The following FMO3 variants were observed in gnomAD, a reference collection of about 807,000 sequenced individuals.
The protein encoded by FMO3 is flavin-containing monooxygenase 3.
In FMO3, 40 loss-of-function variants were observed where a neutral mutation model predicts 39.4. The observed-to-expected ratio is 1.02, with a 90% CI of 0.79 to 1.32. FMO3 has a LOEUF of 1.32. Among genes scored for constraint, FMO3 ranks in the 40% most tolerant of loss-of-function variants. The probability of loss-of-function intolerance (pLI) is 0.00; values close to 1 mark genes in which losing one functional copy is unlikely to be tolerated. For synonymous variants in FMO3, 219 were observed against 228.8 expected, an observed-to-expected ratio of 0.96 and a Z score of 0.39; for missense variants, 680 against 651.8, an observed-to-expected ratio of 1.04 and a Z score of -0.47.
At chr1:171,105,668 C>T (rs1205707688) in intron 3 of FMO3, among the ~76,000 whole-genome samples, 1 of 151,706 alleles carries the variant, frequency 6.6e-6, no homozygotes, top group Non-Finnish European at 1.5e-5. Flanking sequence ...TTGAGTTTGG[C>T]CTAAGTATGC....
chr1:171,116,113 A>G, intron 7 of FMO3, 95 bp from the exon 8 acceptor site: 1 of 774,546 alleles, frequency 1.3e-6, no homozygotes, highest in Non-Finnish European at 2.3e-6. Context: ...AACACCAATT[A>G]ATGTAATTCA....
chr1:171,096,400 C>CATATATATTATATATGTTATATATA (rs1655056837), intron 2 of FMO3, among the ~76,000 whole-genome samples: 1 of 94,696 alleles, frequency 1.1e-5, no homozygotes, highest in South Asian at 3.6e-4. Flanking sequence ...TATATAATTA[C>CATATATATTATATATGTTATATATA]ATATATATTA....
chr1:171,092,557 A>G (rs1654760510), intron 1 of FMO3, 96 bp from the exon 2 acceptor site: 1 of 1,464,914 alleles, frequency 6.8e-7, no homozygotes, highest in Admixed American at 1.7e-5. Context: ...TAAAGTTTTT[A>G]TTAAGCCAAA....
chr1:171,115,260 A>G (rs1458446038), intron 7 of FMO3, among the ~76,000 whole-genome samples: 2 of 152,206 alleles, frequency 1.3e-5, no homozygotes, highest in Non-Finnish European at 2.9e-5. Flanking sequence ...TGTACACGGC[A>G]CAGGCTCTCT....
rs374231103 is a variant in FMO3 at position 171,114,239 on chromosome 1, A to G, written c.1060A>G (p.Lys354Glu). The G allele has an allele frequency of 8.1e-5, 131 of 1,613,850 alleles. No individual in the cohort carries two copies. Among genetic ancestry groups the G allele is most frequent in the Non-Finnish European group, 1.1e-4 (127 of 1,179,912 alleles). The change falls in exon 7 of 9, where the codon AAA becomes GAA. Residue 354 changes from lysine (K) to glutamate (E), a missense_variant. By Grantham distance (56) the Lys-to-Glu change is moderately conservative. Transcript: ENST00000367755. Reference sequence around the variant, plus strand: ...CAGAAACAATGAGATCATTTTATTTAAAGGAGTATTTCCTCCTCTACTTGA... The same window carrying G: ...CAGAAACAATGAGATCATTTTATTTGAAGGAGTATTTCCTCCTCTACTTGA... ...KSRNNEIILFKGVFPPLLEKS... is the reference protein window; with the variant it reads ...KSRNNEIILFEGVFPPLLEKS...
At chr1:171,099,283 T>C (rs552052376) in intron 2 of FMO3, among the ~76,000 whole-genome samples, 20 of 152,326 alleles carry the variant, frequency 1.3e-4, no homozygotes, top group Non-Finnish European at 2.5e-4. Context: ...TAATTTCTGT[T>C]CTTTTACATT....
At chr1:171,096,841 C>T (rs1184765229) in intron 2 of FMO3, among the ~76,000 whole-genome samples, 2 of 145,320 alleles carry the variant, frequency 1.4e-5, no homozygotes, top group Admixed American at 7.4e-5. Context: ...GCACAATGTG[C>T]AGGTTTGTTA....
chr1:171,099,108 C>T (rs2205725), intron 2 of FMO3, among the ~76,000 whole-genome samples: 1 of 151,876 alleles, frequency 6.6e-6, no homozygotes. Context: ...TCTTTGTTCT[C>T]GTTGGTTTCA....
At chr1:171,116,511 T>C (rs1448203477) in intron 8 of FMO3, among the ~76,000 whole-genome samples, 1 of 152,222 alleles carries the variant, frequency 6.6e-6, no homozygotes, top group African/African-American at 2.4e-5. Context: ...ATTGAGAATC[T>C]ACATTACATA....
chr1:171,107,498 G>A (rs908783196), intron 3 of FMO3, among the ~76,000 whole-genome samples, 177 bp from the exon 4 acceptor site: 1 of 152,080 alleles, frequency 6.6e-6, no homozygotes, highest in Non-Finnish European at 1.5e-5. Context: ...AATCATGCAG[G>A]GACAAATAGA....
At position 171,107,750 on chromosome 1, in the gene FMO3, G is replaced by C; in HGVS notation, c.397G>C (p.Gly133Arg). The C allele has an allele frequency of 6.2e-7, 1 of 1,613,484 alleles. No homozygotes were observed. Among genetic ancestry groups the C allele is most frequent in the Non-Finnish European group, 8.5e-7 (1 of 1,179,638 alleles). ...GTGGGATGTTACCACTGAAAGGGAT[G>C]GTAAAAAAGAATCGGCTGTCTTTGA... ...GQWDVTTERD[G>R]KKESAVFDAV... The change falls in exon 4 of 9, where the codon GGT (glycine) becomes CGT (arginine). Residue 133 changes from glycine (G) to arginine (R), a missense_variant. By Grantham distance (125) the Gly-to-Arg change is moderately radical. Coordinates refer to ENST00000367755, the MANE Select transcript of FMO3 (RefSeq NM_001002294.3).
At chr1:171,093,004 C>T (rs1485907150) in intron 2 of FMO3, among the ~76,000 whole-genome samples, 2 of 152,110 alleles carry the variant, frequency 1.3e-5, no homozygotes, top group African/African-American at 4.8e-5. Flanking sequence ...TTCTCCATTA[C>T]AGTTCTCCCT....
chr1:171,107,895 A>G lies in FMO3; in HGVS notation c.484+58A>G, dbSNP rs28363547. 23 of 1,541,976 alleles carry G rather than the reference A, an allele frequency of 1.5e-5. No homozygotes were observed. The South Asian group carries it at 2.6e-4, about 17-fold the overall frequency. ...ACTGACAAAAATGAATATCTTGATA[A>G]TGTCTTCTTTTTTCTAAAAGTATAA... On this transcript the variant is annotated intron_variant, in intron 4 of 8. Coordinates refer to ENST00000367755, the MANE Select transcript of FMO3 (RefSeq NM_001002294.3).
intron 2 of FMO3, among the ~76,000 whole-genome samples, chr1:171,093,957 C>G (rs1250066159): frequency 6.6e-6 from 1 of 150,890 alleles, no homozygotes; most frequent in African/African-American, 2.4e-5. Flanking sequence ...ACCTCAGCCT[C>G]CCGAGTAGCT....
At chr1:171,108,243 G>A (rs1655742216) in intron 5 of FMO3, 22 bp downstream of exon 5, 5 of 1,613,438 alleles carry the variant, frequency 3.1e-6, no homozygotes, top group Non-Finnish European at 4.2e-6. Context: ...CGGGTACTCG[G>A]GTGACTCTCG....
At chr1:171,101,744 A>T in intron 2 of FMO3, 1 of 518,216 alleles carries the variant, frequency 1.9e-6, no homozygotes, top group Non-Finnish European at 4.0e-6. Flanking sequence ...CATTTCACCC[A>T]GATCTGCGGC....
At position 171,114,043 on chromosome 1, in the gene FMO3, C is replaced by T. The variant is rs1656028993; in HGVS notation, c.864C>T (p.Leu288=). The change falls in exon 7 of 9, where the codon CTC becomes CTT. Residue 288 remains leucine, a synonymous_variant. Coordinates refer to ENST00000367755, the MANE Select transcript of FMO3 (RefSeq NM_001002294.3). The part of the protein sequence containing the change: ...LRKEPVFNDE[L]PASILCGIVS... Reference sequence around the variant, plus strand: ...AAGAGCCTGTATTTAACGATGAGCTCCCAGCAAGCATTCTGTGTGGCATTG... The same window carrying T: ...AAGAGCCTGTATTTAACGATGAGCTTCCAGCAAGCATTCTGTGTGGCATTG... 6.2e-7 allele frequency: 1 copy of T among 1,612,130 alleles called. No individual in the cohort carries two copies. The highest frequency in any genetic ancestry group is 1.3e-5 in the African/African-American group (1 of 74,784).
At chr1:171,109,827 C>T (rs942483993) in intron 5 of FMO3, among the ~76,000 whole-genome samples, 11 of 152,208 alleles carry the variant, frequency 7.2e-5, no homozygotes, top group African/African-American at 2.6e-4. Flanking sequence ...TAGGCGTGAG[C>T]CACCATGCCC....
intron 7 of FMO3, among the ~76,000 whole-genome samples, chr1:171,115,871 G>T (rs1656123161): frequency 6.6e-6 from 1 of 152,146 alleles, no homozygotes. Flanking sequence ...TTTCTATGAA[G>T]ATTTTTCTTC....
Sources: allele counts gnomAD v4.1 joint callset (sites outside exome capture counted in the v4.1 genomes callset), GRCh38; gene constraint gnomAD v4.1.1; transcripts MANE v1.5; gene names NCBI Gene and HGNC (gene_info 2026-07-23, HGNC 2026-07-21).